SORCS2: variants seen among roughly 807,000 people sequenced by gnomAD.
SORCS2 encodes the protein VPS10 domain-containing receptor SorCS2.
SORCS2 carries 100 observed loss-of-function variants against 141.6 expected under a neutral mutation model. The ratio of observed to expected loss-of-function variants is 0.71; its 90% CI spans 0.60 to 0.83. The LOEUF (loss-of-function observed/expected upper bound fraction) is 0.83, where lower values mean the gene tolerates loss of function less well. Ranked by LOEUF, SORCS2 falls within the 40% of genes least tolerant of loss-of-function variation. The pLI, the probability that SORCS2 is intolerant of heterozygous loss-of-function variation, is 0.00. For synonymous variants in SORCS2, 789 were observed against 676.9 expected (o/e 1.17, Z -2.57); for missense variants, 1,646 against 1,560.2 (o/e 1.05, Z -0.93).
At position 7,539,408 on chromosome 4, in the gene SORCS2, G is replaced by A. The variant is rs565868565; in HGVS notation, c.648+7779G>A. On this transcript the variant is annotated intron_variant, in intron 3 of 26. Transcript: ENST00000507866. ...CAAGTCCCAGGCTCCTCTTGAGGCT[G>A]TGCCCATGTCCGCTTCCTGTGGACT... is the stretch of plus-strand genomic sequence containing the variant. Among the ~76,000 whole-genome samples, 5 of 152,322 alleles carry A rather than the reference G, an allele frequency of 3.3e-5. No individual in the cohort carries two copies. In the South Asian group the frequency reaches 1.0e-3, roughly 32 times the overall value.
intron 1 of SORCS2, among the ~76,000 whole-genome samples, chr4:7,262,385 TCC>T (rs1714411958): frequency 1.1e-5 from 1 of 91,896 alleles, no homozygotes; most frequent in Admixed American, 9.5e-5. Context: ...TATCCATCCA[TCC>T]ATCCATCCAT....
At chr4:7,555,553 G>A (rs41330946) in intron 3 of SORCS2, among the ~76,000 whole-genome samples, 4,375 of 152,316 alleles carry the variant, frequency 0.029, 202 homozygotes, top group African/African-American at 0.097. Context: ...TCATTTACGC[G>A]TGCAACTATT....
intron 1 of SORCS2, among the ~76,000 whole-genome samples, chr4:7,274,300 T>C (rs1444860778): frequency 6.6e-6 from 1 of 152,254 alleles, no homozygotes. Flanking sequence ...GCCTCATTTA[T>C]CCATCATGGG....
chr4:7,659,863 C>T (rs1722039312), intron 5 of SORCS2, among the ~76,000 whole-genome samples: 1 of 152,158 alleles, frequency 6.6e-6, no homozygotes, highest in Non-Finnish European at 1.5e-5. Context: ...ATTTGGTACG[C>T]AATGCTGTGC....
intron 1 of SORCS2, among the ~76,000 whole-genome samples, chr4:7,343,753 G>A (rs1720500894): frequency 6.6e-6 from 1 of 152,210 alleles, no homozygotes; most frequent in Admixed American, 6.5e-5. Flanking sequence ...AGTGTTGAGT[G>A]GGTTGGTACA....
intron 1 of SORCS2, among the ~76,000 whole-genome samples, chr4:7,379,283 TGGGAGGGCAGGA>T (rs1024598509): frequency 8.5e-5 from 13 of 152,074 alleles, no homozygotes; most frequent in Admixed American, 3.9e-4. Context: ...TCCTGAGCCT[TGGGAGGGCAGGA>T]GGGAGGGCAG....
intron 17 of SORCS2, among the ~76,000 whole-genome samples, chr4:7,716,672 T>C (rs886653797): frequency 1.6e-5 from 2 of 127,050 alleles, no homozygotes; most frequent in Admixed American, 1.7e-4. Flanking sequence ...ATCTATCTAT[T>C]CATTCATTCA....
At chr4:7,639,002 T>C (rs547460185) in intron 4 of SORCS2, among the ~76,000 whole-genome samples, 1 of 152,162 alleles carries the variant, frequency 6.6e-6, no homozygotes, top group South Asian at 2.1e-4. Flanking sequence ...TGAGGCTTTG[T>C]CCCCCGGTGA....
intron 2 of SORCS2, among the ~76,000 whole-genome samples, chr4:7,523,010 C>T (rs979329976): frequency 4.8e-5 from 7 of 146,042 alleles, no homozygotes; most frequent in African/African-American, 1.8e-4. Flanking sequence ...CCACTCTTCC[C>T]TCTTTGTCAC....
intron 23 of SORCS2, among the ~76,000 whole-genome samples, chr4:7,730,167 G>A (rs1297525070): frequency 1.3e-5 from 2 of 152,172 alleles, no homozygotes; most frequent in Non-Finnish European, 2.9e-5. Context: ...CCCTCATGGA[G>A]GGGATAAAAG....
chr4:7,701,381 A>C (rs1366852269), intron 12 of SORCS2, among the ~76,000 whole-genome samples: 1 of 152,294 alleles, frequency 6.6e-6, no homozygotes. Context: ...TGCTTCCTGG[A>C]GAATTCCTAA....
chr4:7,531,986 T>C (rs930657850), intron 3 of SORCS2, among the ~76,000 whole-genome samples: 1 of 152,246 alleles, frequency 6.6e-6, no homozygotes, highest in Admixed American at 6.5e-5. Context: ...CGGAAGGCAG[T>C]GCTGAGCAGG....
chr4:7,329,275 AG>A (rs1171716231), intron 1 of SORCS2, among the ~76,000 whole-genome samples: 1 of 152,228 alleles, frequency 6.6e-6, no homozygotes, highest in Non-Finnish European at 1.5e-5. Context: ...ACGTGGACCC[AG>A]CAGCATTCAC....
chr4:7,540,634 C>T (rs912699512), intron 3 of SORCS2, among the ~76,000 whole-genome samples: 8 of 152,204 alleles, frequency 5.3e-5, no homozygotes, highest in Admixed American at 3.3e-4. Context: ...TTCTTCCTCC[C>T]GAGGGTCTGG....
In SORCS2 at chr4:7,451,791, G is replaced by C. The variant is rs201770641; in HGVS notation, c.548+55436G>C. Among the ~76,000 whole-genome samples the C allele has an allele frequency of 2.0e-5, 3 of 152,214 alleles. No individual in the cohort carries two copies. In the South Asian group the frequency reaches 6.2e-4, roughly 32 times the overall value. ...ACCCCACTGGTGCAGGATTGCAGAG[G>C]AGTGAGGGCCAGACTGAAGCGGGGA... is the stretch of plus-strand genomic sequence containing the variant. On this transcript the variant is annotated intron_variant, in intron 2 of 26. Transcript: ENST00000507866.
chr4:7,217,465 A>G (rs1404718420), intron 1 of SORCS2, among the ~76,000 whole-genome samples: 4 of 152,222 alleles, frequency 2.6e-5, no homozygotes, highest in African/African-American at 9.6e-5. Flanking sequence ...TCCAGGGGCC[A>G]GAGCCTGCAG....
chr4:7,472,910 G>A (rs1730065142), intron 2 of SORCS2, among the ~76,000 whole-genome samples: 1 of 134,588 alleles, frequency 7.4e-6, no homozygotes, highest in African/African-American at 2.7e-5. Context: ...GGGCCAAAGT[G>A]TTCATCATAA....
chr4:7,273,137 G>A (rs73799447), intron 1 of SORCS2, among the ~76,000 whole-genome samples: 301 of 152,368 alleles, frequency 2.0e-3, no homozygotes, highest in African/African-American at 7.0e-3. Flanking sequence ...CTGGCTAGCA[G>A]CTTCCAATGA....
chr4:7,390,148 A>G (rs1017627131), intron 1 of SORCS2, among the ~76,000 whole-genome samples: 6 of 152,156 alleles, frequency 3.9e-5, no homozygotes, highest in African/African-American at 1.4e-4. Flanking sequence ...CACTGACCTT[A>G]AGTTCTCCCT....
Sources: allele counts gnomAD v4.1 joint callset (sites outside exome capture counted in the v4.1 genomes callset), GRCh38; gene constraint gnomAD v4.1.1; transcripts MANE v1.5; gene names NCBI Gene and HGNC (gene_info 2026-07-23, HGNC 2026-07-21).